Variants in PLCH1 observed in about 807,000 individuals in gnomAD.
PLCH1 encodes 1-phosphatidylinositol 4,5-bisphosphate phosphodiesterase eta-1.
In PLCH1, 60 loss-of-function variants were observed where a neutral mutation model predicts 126.7. That is an observed-to-expected ratio of 0.47 (90% CI 0.38 to 0.59). The LOEUF (loss-of-function observed/expected upper bound fraction) is 0.59, where lower values mean the gene tolerates loss of function less well. PLCH1 is among the 20% of genes least tolerant of loss of function. PLCH1 has a pLI of 0.00. For synonymous variants in PLCH1, 719 were observed against 734.9 expected (o/e 0.98, Z 0.35); for missense variants, 1,723 against 2,040.0 (o/e 0.84, Z 2.99).
At chr3:155,494,083 C>A in intron 17 of PLCH1, 58 bp downstream of exon 17, 1 of 1,333,044 alleles carries the variant, frequency 7.5e-7, no homozygotes, top group South Asian at 1.2e-5. Context: ...AGGTTGCCTG[C>A]ATTTAGACTA....
intron 8 of PLCH1, among the ~76,000 whole-genome samples, chr3:155,560,726 A>C (rs1248580417): frequency 2.0e-5 from 3 of 152,130 alleles, no homozygotes; most frequent in African/African-American, 7.2e-5. Flanking sequence ...ATTGCCCTGC[A>C]CTTTCCACCA....
At chr3:155,479,725 T>G (rs1203572587), downstream of PLCH1, among the ~76,000 whole-genome samples, 1 of 152,144 alleles carries the variant, frequency 6.6e-6, no homozygotes, top group Non-Finnish European at 1.5e-5. Flanking sequence ...CTTTAAAGCA[T>G]AAGGAAAACA....
At chr3:155,519,137 C>G (rs1720733214) in intron 11 of PLCH1, among the ~76,000 whole-genome samples, 1 of 152,120 alleles carries the variant, frequency 6.6e-6, no homozygotes, top group Non-Finnish European at 1.5e-5. Flanking sequence ...TATCATTCAG[C>G]CCTGGAATCC....
chr3:155,736,210 A>G (rs920148325), intron 1 of PLCH1, among the ~76,000 whole-genome samples: 3 of 152,236 alleles, frequency 2.0e-5, no homozygotes, highest in African/African-American at 4.8e-5. Flanking sequence ...TGACAAAAGA[A>G]AAAGAAGTTA....
chr3:155,526,484 T>TA (rs774024945), intron 10 of PLCH1, among the ~76,000 whole-genome samples: 3,855 of 94,078 alleles, frequency 0.041, 144 homozygotes, highest in African/African-American at 0.12. Flanking sequence ...TTTCTCTCTC[T>TA]CTCATACACA....
chr3:155,541,096 G>C (rs1045118176), intron 10 of PLCH1, among the ~76,000 whole-genome samples: 1 of 152,172 alleles, frequency 6.6e-6, no homozygotes, highest in Non-Finnish European at 1.5e-5. Context: ...CAGCAACCTA[G>C]ATGGAACTGG....
intron 12 of PLCH1, among the ~76,000 whole-genome samples, chr3:155,506,498 C>A (rs1363882144): frequency 8.7e-6 from 1 of 115,052 alleles, no homozygotes; most frequent in African/African-American, 3.2e-5. Context: ...GTTATCCCTC[C>A]CCCCTCCCCC....
At chr3:155,464,518 C>T (rs1384617793) in intron 21 of PLCH1, among the ~76,000 whole-genome samples, 1 of 152,044 alleles carries the variant, frequency 6.6e-6, no homozygotes, top group African/African-American at 2.4e-5. Flanking sequence ...TGAAATTTTA[C>T]AGGTTTGCTC....
At chr3:155,561,600 G>T (rs1490571108) in intron 8 of PLCH1, among the ~76,000 whole-genome samples, 2 of 152,018 alleles carry the variant, frequency 1.3e-5, no homozygotes, top group Non-Finnish European at 2.9e-5. Context: ...ACATACGTGT[G>T]CATGTGTCTT....
At chr3:155,699,848 A>ACACACACACACACACACACCCC (rs1491419516) in intron 2 of PLCH1, among the ~76,000 whole-genome samples, 1 of 147,538 alleles carries the variant, frequency 6.8e-6, no homozygotes, top group African/African-American at 2.5e-5. Context: ...ACACACACAC[A>ACACACACACACACACACACCCC]CCACTACCTC....
chr3:155,612,108 A>G (rs1009592205), intron 2 of PLCH1, among the ~76,000 whole-genome samples: 1 of 151,770 alleles, frequency 6.6e-6, no homozygotes, highest in African/African-American at 2.4e-5. Flanking sequence ...CCTGAGGTCA[A>G]GAGTTCATGA....
At position 155,481,291 on chromosome 3, in the gene PLCH1, G is replaced by A. The variant is rs748049229; in HGVS notation, c.4735C>T (p.Arg1579Cys). 25 of 1,614,164 alleles carry A rather than the reference G, an allele frequency of 1.5e-5. 1 individual carries two copies. Among genetic ancestry groups the A allele is most frequent in the East Asian group, 4.5e-5 (2 of 44,886 alleles). The change falls in exon 23 of 23, where the codon CGC (arginine) becomes TGC (cysteine). Residue 1579 changes from arginine (R) to cysteine (C), a missense_variant. Coordinates refer to ENST00000460012, the MANE Select transcript of PLCH1 (RefSeq NM_014996.4). The surrounding 1 kb of genome is among the most constrained non-coding windows in gnomAD (Gnocchi z 4.2). ...KLSSRSQSRVRNIASRAKEKQ... is the reference protein window; with the variant it reads ...KLSSRSQSRVCNIASRAKEKQ... ...TCCTTGGCACGACTAGCAATATTGC[G>A]CACTCTGCTCTGACTTCTGGATGAC... is the stretch of plus-strand genomic sequence containing the variant.
At position 155,628,543 on chromosome 3, in the gene PLCH1, ACC is replaced by A. The variant is rs1333284077; in HGVS notation, c.80-32167_80-32166del. On this transcript the variant is annotated intron_variant, in intron 2 of 22. Coordinates refer to ENST00000460012, the MANE Select transcript of PLCH1 (RefSeq NM_014996.4). ...AGGTTTCCCCATGCTTTGGATCTTC[ACC>A]TCTCTTTTTTTTTTTTTTTTTGAGT... Among the ~76,000 whole-genome samples the A allele has an allele frequency of 8.1e-3, 773 of 94,964 alleles. 12 individuals carry two copies. The highest frequency in any genetic ancestry group is 0.011 in the Admixed American group (110 of 9,574). The allele number at this position is 94,964 out of a possible 152,430, so 62.3% of individuals were successfully genotyped here. A position where few individuals can be genotyped will look rare whatever the true frequency, so the allele number is the denominator to read the frequency against.
chr3:155,470,712 A>C (rs1214768299), intron 21 of PLCH1, among the ~76,000 whole-genome samples: 2 of 152,186 alleles, frequency 1.3e-5, no homozygotes, highest in African/African-American at 4.8e-5. Flanking sequence ...AGCCCACCAG[A>C]CTAACAGCGG....
At position 155,494,328 on chromosome 3, in the gene PLCH1, G is replaced by A; in HGVS notation, c.2074+10C>T. The stretch of plus-strand genomic sequence containing the variant: ...ATACAGAGAACCACTCCTTCCCAAG[G>A]AATACACACCTAGCTGGCAGCCTGC... On this transcript the variant is annotated intron_variant, in intron 16 of 22. Transcript: ENST00000460012. 6.2e-7 allele frequency: 1 copy of A among 1,613,846 alleles called. No individual in the cohort carries two copies. The highest frequency in any genetic ancestry group is 8.5e-7 in the Non-Finnish European group (1 of 1,179,756).
chr3:155,624,928 A>G (rs1737036573), intron 2 of PLCH1, among the ~76,000 whole-genome samples: 4 of 152,240 alleles, frequency 2.6e-5, no homozygotes, highest in Admixed American at 2.0e-4. Flanking sequence ...AAGAGCCTGC[A>G]TAGCTAAGAC....
At chr3:155,573,225 T>C (rs189704242) in intron 6 of PLCH1, among the ~76,000 whole-genome samples, 4 of 152,306 alleles carry the variant, frequency 2.6e-5, no homozygotes, top group African/African-American at 7.2e-5. Context: ...TCCTCAAACA[T>C]TGGTAAGCCT....
At chr3:155,699,928 AATCTT>A (rs1050238925) in intron 2 of PLCH1, among the ~76,000 whole-genome samples, 1 of 152,086 alleles carries the variant, frequency 6.6e-6, no homozygotes, top group Non-Finnish European at 1.5e-5. Context: ...TCCAAAAAGA[AATCTT>A]ATCTTCTCTT....
intron 2 of PLCH1, among the ~76,000 whole-genome samples, chr3:155,652,178 G>C (rs1740772938): frequency 6.6e-6 from 1 of 152,222 alleles, no homozygotes; most frequent in Admixed American, 6.5e-5. Context: ...AGTTTTGACA[G>C]TGGGAAGCCC....
Sources: allele counts gnomAD v4.1 joint callset (sites outside exome capture counted in the v4.1 genomes callset), GRCh38; gene constraint gnomAD v4.1.1; non-coding constraint Gnocchi (gnomAD v3.1); transcripts MANE v1.5; gene names NCBI Gene and HGNC (gene_info 2026-07-23, HGNC 2026-07-21).